CDH18: variants seen among roughly 807,000 people sequenced by gnomAD.
CDH18 encodes the protein cadherin 18.
A neutral mutation model predicts 67.9 loss-of-function variants in CDH18; 31 were observed. That is an observed-to-expected ratio of 0.46 (90% confidence interval 0.34 to 0.62). The LOEUF (loss-of-function observed/expected upper bound fraction) is 0.62, where lower values mean the gene tolerates loss of function less well. CDH18 is among the 20% of genes least tolerant of loss of function. The pLI is 0.01. For synonymous variants in CDH18, 362 were observed against 347.2 expected, an observed-to-expected ratio of 1.04 and a Z score of -0.48; for missense variants, 890 against 975.5, an observed-to-expected ratio of 0.91 and a Z score of 1.17.
At chr5:20,069,999 C>A (rs993638720) in intron 2 of CDH18, among the ~76,000 whole-genome samples, 8 of 152,100 alleles carry the variant, frequency 5.3e-5, no homozygotes, top group African/African-American at 1.2e-4. Flanking sequence ...TGTGTACTGG[C>A]CATTGTAGTA....
intron 1 of CDH18, among the ~76,000 whole-genome samples, chr5:20,290,476 C>T (rs973824565): frequency 4.6e-5 from 7 of 152,102 alleles, no homozygotes; most frequent in African/African-American, 1.4e-4. Context: ...AGGCTAAGTG[C>T]TGAGATCACA....
intron 1 of CDH18, among the ~76,000 whole-genome samples, chr5:20,318,588 CTTG>C (rs993093821): frequency 6.6e-6 from 1 of 151,996 alleles, no homozygotes; most frequent in Non-Finnish European, 1.5e-5. Context: ...GGCCTCCTCC[CTTG>C]TTGTCTCTTC....
At chr5:20,566,611 G>A (rs1197918425) in intron 1 of CDH18, among the ~76,000 whole-genome samples, 1 of 144,104 alleles carries the variant, frequency 6.9e-6, no homozygotes, top group Non-Finnish European at 1.5e-5. Context: ...TCCTGACTTC[G>A]TGATCCGCCC....
At chr5:20,272,466 G>C (rs1188099288) in intron 1 of CDH18, among the ~76,000 whole-genome samples, 2 of 151,696 alleles carry the variant, frequency 1.3e-5, no homozygotes, top group African/African-American at 4.8e-5. Context: ...TCTTAGATTA[G>C]AAAAAAAGCA....
At chr5:20,356,753 C>CTATATATATATATA (rs35935150) in intron 1 of CDH18, among the ~76,000 whole-genome samples, 1 of 121,554 alleles carries the variant, frequency 8.2e-6, no homozygotes, top group African/African-American at 3.1e-5. Flanking sequence ...CTCTCTCTCT[C>CTATATATATATATA]TATATATATA....
At chr5:19,918,043 C>T (rs1792022503) in intron 2 of CDH18, among the ~76,000 whole-genome samples, 1 of 152,078 alleles carries the variant, frequency 6.6e-6, no homozygotes, top group Non-Finnish European at 1.5e-5. Context: ...GCTTAGAAAA[C>T]TGGGCAATAT....
chr5:20,094,251 A>C (rs1420110562), intron 2 of CDH18, among the ~76,000 whole-genome samples: 1 of 152,162 alleles, frequency 6.6e-6, no homozygotes, highest in Admixed American at 6.6e-5. Flanking sequence ...GTAAATACTC[A>C]CTAGAAAAAG....
chr5:19,503,489 G>A (rs188896148), intron 10 of CDH18, among the ~76,000 whole-genome samples: 6 of 152,120 alleles, frequency 3.9e-5, no homozygotes, highest in Admixed American at 3.9e-4. Context: ...ATTCAGAATA[G>A]CTTATCACTG....
chr5:19,755,100 A>T (rs1771351608), intron 3 of CDH18, among the ~76,000 whole-genome samples: 1 of 151,880 alleles, frequency 6.6e-6, no homozygotes, highest in South Asian at 2.1e-4. Flanking sequence ...GCCTTAAGGA[A>T]CTAGAGGAAC....
intron 10 of CDH18, among the ~76,000 whole-genome samples, chr5:19,516,945 G>T (rs553576771): frequency 1.8e-4 from 28 of 152,040 alleles, no homozygotes; most frequent in African/African-American, 6.7e-4. Flanking sequence ...ATAAATAATT[G>T]TGCACATTTT....
intron 10 of CDH18, among the ~76,000 whole-genome samples, chr5:19,511,502 G>A (rs1346445643): frequency 2.6e-5 from 4 of 152,088 alleles, no homozygotes; most frequent in African/African-American, 7.2e-5. Context: ...TGGCTTTGAC[G>A]AAAATGCAGA....
Position 20,447,981 on chromosome 5 carries a change from C to T in CDH18, c.-580+127481G>A, listed in dbSNP as rs150415579. 5.5e-3 allele frequency among the ~76,000 whole-genome samples: 830 copies of T among 151,858 alleles called. 7 individuals are homozygous for T. The highest frequency in any genetic ancestry group is 9.0e-3 in the Non-Finnish European group (615 of 67,964). On this transcript the variant is annotated intron_variant, in intron 1 of 14. Transcript: ENST00000507958. ...GGTTTGTTACATATGTATACATGTG[C>T]CATGTTGGTGTGCTGCACCCATTAA...
chr5:19,485,349 G>A (rs1039826383), intron 11 of CDH18, among the ~76,000 whole-genome samples: 11 of 151,334 alleles, frequency 7.3e-5, no homozygotes, highest in African/African-American at 1.9e-4. Flanking sequence ...TCAGCCTCCC[G>A]AGTTCATGCC....
intron 3 of CDH18, among the ~76,000 whole-genome samples, chr5:19,791,276 T>A (rs1178424562): frequency 2.0e-5 from 3 of 151,142 alleles, no homozygotes; most frequent in Non-Finnish European, 4.4e-5. Context: ...TCCAGAGACA[T>A]GACACTGAGC....
intron 9 of CDH18, among the ~76,000 whole-genome samples, chr5:19,542,887 C>T (rs185488329): frequency 6.6e-5 from 10 of 151,660 alleles, no homozygotes; most frequent in African/African-American, 1.5e-4. Context: ...GAGTTATACA[C>T]GTTAAAAGGG....
chr5:19,824,461 A>C (rs1348993813), intron 3 of CDH18, among the ~76,000 whole-genome samples: 1 of 152,118 alleles, frequency 6.6e-6, no homozygotes. Flanking sequence ...CAAGACTGGA[A>C]ATGAGAGAAT....
intron 4 of CDH18, among the ~76,000 whole-genome samples, chr5:19,746,579 G>A (rs1770024916): frequency 6.6e-6 from 1 of 152,060 alleles, no homozygotes; most frequent in Non-Finnish European, 1.5e-5. Context: ...TTTCTTCTCT[G>A]CAAATAATCA....
chr5:20,306,996 A>G lies in CDH18; in HGVS notation c.-579-51491T>C, dbSNP rs914919272. Among the ~76,000 whole-genome samples the G allele has an allele frequency of 2.6e-5, 4 of 151,968 alleles. No individual in the cohort carries two copies. The East Asian group carries it at 5.8e-4, about 22-fold the overall frequency. On this transcript the variant is annotated intron_variant, in intron 1 of 14. Transcript: ENST00000507958. ...TTCAAATAGAAATTCTACTCAATAT[A>G]TATTTACCAACTGTGATATCTTATG... is the stretch of plus-strand genomic sequence containing the variant.
chr5:20,217,274 A>C (rs1047127959), intron 2 of CDH18, among the ~76,000 whole-genome samples: 2 of 151,906 alleles, frequency 1.3e-5, no homozygotes, highest in African/African-American at 4.8e-5. Flanking sequence ...TCTTGAGTAG[A>C]AAGTCTAAAA....
Sources: gnomAD v4.1 joint callset for allele counts (sites outside exome capture counted in the v4.1 genomes callset) on GRCh38, gnomAD v4.1.1 for gene constraint, MANE v1.5 for transcripts, NCBI Gene and HGNC (gene_info 2026-07-23, HGNC 2026-07-21) for gene names.